Variants in TMEM178B observed in about 807,000 individuals in gnomAD.
TMEM178B encodes the protein transmembrane protein 178B.
TMEM178B carries 5 observed loss-of-function variants against 31.0 expected under a neutral mutation model. The ratio of observed to expected loss-of-function variants is 0.16; its 90% CI spans 0.08 to 0.34. The LOEUF (loss-of-function observed/expected upper bound fraction) is 0.34. Among genes scored for constraint, TMEM178B ranks in the 10% least tolerant of loss-of-function variants. The pLI is 1.00. For synonymous variants in TMEM178B, 164 were observed against 164.0 expected, an observed-to-expected ratio of 1.00 and a Z score of 0.00; for missense variants, 275 against 400.3, an observed-to-expected ratio of 0.69 and a Z score of 2.67.
chr7:141,467,262 GA>G (rs958180444), intron 3 of TMEM178B, among the ~76,000 whole-genome samples: 13 of 152,004 alleles, frequency 8.6e-5, no homozygotes, highest in Non-Finnish European at 1.6e-4. Flanking sequence ...TGCACAACAT[GA>G]AAAAAACTAT....
the TMEM178B span, among the ~76,000 whole-genome samples, chr7:141,490,123 G>A: frequency 3.9e-5 from 6 of 152,130 alleles, no homozygotes; most frequent in Non-Finnish European, 7.4e-5. Flanking sequence ...AGAATCAGCC[G>A]TGGTCTTCCG....
chr7:141,128,114 A>G (rs1795535418), intron 1 of TMEM178B, among the ~76,000 whole-genome samples: 1 of 152,220 alleles, frequency 6.6e-6, no homozygotes, highest in Non-Finnish European at 1.5e-5. Flanking sequence ...TAAGTGAGAC[A>G]TACTTGGACA....
chr7:141,194,777 C>T (rs535886408), intron 1 of TMEM178B, among the ~76,000 whole-genome samples: 2 of 152,340 alleles, frequency 1.3e-5, no homozygotes, highest in East Asian at 1.9e-4. Flanking sequence ...CAGAGGTTCT[C>T]CATGAGGGCC....
chr7:141,434,004 C>T (rs10250653), intron 2 of TMEM178B, among the ~76,000 whole-genome samples: 50,014 of 152,076 alleles, frequency 0.33, 8,451 homozygotes, highest in South Asian at 0.46. Flanking sequence ...AGTACCTCAT[C>T]TGTGTTAGAG....
intron 2 of TMEM178B, among the ~76,000 whole-genome samples, chr7:141,316,019 A>G (rs1017364585): frequency 6.6e-6 from 1 of 152,130 alleles, no homozygotes; most frequent in Admixed American, 6.5e-5. Context: ...TGCTAAAGAC[A>G]TGTCAGCTCA....
chr7:141,485,479 A>G, the TMEM178B span, among the ~76,000 whole-genome samples: 1 of 152,216 alleles, frequency 6.6e-6, no homozygotes, highest in Non-Finnish European at 1.5e-5. Flanking sequence ...GTGAGGATAC[A>G]GTGAGTTAAT....
At chr7:141,414,448 C>T (rs1315972604) in intron 2 of TMEM178B, 2 of 152,472 alleles carry the variant, frequency 1.3e-5, no homozygotes, top group Non-Finnish European at 2.9e-5. Flanking sequence ...TTTCTATAAC[C>T]ATATACCAAT....
intron 1 of TMEM178B, among the ~76,000 whole-genome samples, chr7:141,198,643 G>C (rs999821357): frequency 6.6e-6 from 1 of 152,062 alleles, no homozygotes; most frequent in African/African-American, 2.4e-5. Flanking sequence ...ATCCTTCATC[G>C]CCCCTGCCTG....
chr7:141,347,710 C>T (rs1411246125), intron 2 of TMEM178B, among the ~76,000 whole-genome samples: 1 of 151,922 alleles, frequency 6.6e-6, no homozygotes, highest in East Asian at 1.9e-4. Context: ...CTCCACATCT[C>T]CCCCACCCCC....
At position 141,182,620 on chromosome 7, in the gene TMEM178B, A is replaced by T. The variant is rs147786680; in HGVS notation, c.383-29971A>T. 5.8e-3 allele frequency among the ~76,000 whole-genome samples: 885 copies of T among 152,208 alleles called. 14 individuals carry two copies. Among genetic ancestry groups the T allele is most frequent in the African/African-American group, 0.021 (852 of 41,520 alleles). Reference sequence around the variant, plus strand: ...GAGTTGATAGGGACATTGGGTTTTGATATGGCTTGGCTGTGTCCCCACCCA... The same window carrying T: ...GAGTTGATAGGGACATTGGGTTTTGTTATGGCTTGGCTGTGTCCCCACCCA... On this transcript the variant is annotated intron_variant, in intron 1 of 3. Transcript: ENST00000565468.
chr7:141,336,279 C>G (rs1366206931), intron 2 of TMEM178B, among the ~76,000 whole-genome samples: 2 of 152,156 alleles, frequency 1.3e-5, no homozygotes, highest in Admixed American at 1.3e-4. Flanking sequence ...TCCTAACTCC[C>G]TGGCCTCCTG....
chr7:141,275,486 C>G (rs1366073715), intron 2 of TMEM178B, among the ~76,000 whole-genome samples: 1 of 152,156 alleles, frequency 6.6e-6, no homozygotes, highest in African/African-American at 2.4e-5. Context: ...GATGTCCAGC[C>G]TCTCCTATAA....
At chr7:141,297,856 C>T (rs1192756166) in intron 2 of TMEM178B, among the ~76,000 whole-genome samples, 15 of 152,208 alleles carry the variant, frequency 9.9e-5, no homozygotes, top group Non-Finnish European at 2.1e-4. Context: ...ATTTATAATC[C>T]TTTGGGTGTA....
chr7:141,145,912 G>T (rs1795842899), intron 1 of TMEM178B, among the ~76,000 whole-genome samples: 2 of 152,180 alleles, frequency 1.3e-5, no homozygotes, highest in African/African-American at 4.8e-5. Context: ...GAGGGCTGTA[G>T]TTTGCAATTG....
At chr7:141,075,342 G>T (rs1193209308) in intron 1 of TMEM178B, among the ~76,000 whole-genome samples, 1 of 151,048 alleles carries the variant, frequency 6.6e-6, no homozygotes, top group African/African-American at 2.4e-5. Flanking sequence ...GGTCTAATAA[G>T]TAAAAAAAAA....
Position 141,284,104 on chromosome 7 carries a change from C to G in TMEM178B, c.496+71400C>G, listed in dbSNP as rs188429807. ...GCAATGCATTTCTACATGGTTGATC[C>G]TCACAGCAAATGAACAACACAGGCT... On this transcript the variant is annotated intron_variant, in intron 2 of 3. Transcript: ENST00000565468. Among the ~76,000 whole-genome samples, 26 of 152,278 alleles carry G rather than the reference C, an allele frequency of 1.7e-4. No homozygotes were observed. The East Asian group carries it at 4.8e-3, about 28-fold the overall frequency.
At chr7:141,417,001 G>T (rs1801111439) in intron 2 of TMEM178B, among the ~76,000 whole-genome samples, 1 of 152,174 alleles carries the variant, frequency 6.6e-6, no homozygotes, top group Non-Finnish European at 1.5e-5. Flanking sequence ...TAAAAGCAAA[G>T]CCATTAGACA....
chr7:141,218,285 C>T (rs1015018391), intron 2 of TMEM178B, among the ~76,000 whole-genome samples: 1 of 152,040 alleles, frequency 6.6e-6, no homozygotes, highest in Non-Finnish European at 1.5e-5. Flanking sequence ...AGGGTACAGC[C>T]TGGCTGGCAG....
chr7:141,359,477 A>G (rs1799879830), intron 2 of TMEM178B, among the ~76,000 whole-genome samples: 1 of 152,196 alleles, frequency 6.6e-6, no homozygotes. Context: ...CATTAACTCA[A>G]TTGTTAGCTT....
Sources: allele counts gnomAD v4.1 joint callset (sites outside exome capture counted in the v4.1 genomes callset), GRCh38; gene constraint gnomAD v4.1.1; transcripts MANE v1.5; gene names NCBI Gene and HGNC (gene_info 2026-07-23, HGNC 2026-07-21).